YARS1: variants seen among roughly 807,000 people sequenced by gnomAD.
The protein encoded by YARS1 is tyrosyl-tRNA synthetase 1, also known as tyrosine--tRNA ligase, cytoplasmic.
YARS1 carries 36 observed loss-of-function variants against 62.2 expected under a neutral mutation model. The observed-to-expected ratio is 0.58, with a 90% CI of 0.44 to 0.76. The LOEUF (loss-of-function observed/expected upper bound fraction) is 0.76. YARS1 is among the 30% of genes least tolerant of loss of function. The pLI is 0.00. For synonymous variants in YARS1, 234 were observed against 244.9 expected (o/e 0.96, Z 0.42); for missense variants, 524 against 639.8 (o/e 0.82, Z 1.95).
At chr1:32,805,913 G>T (rs1451132061) in intron 4 of YARS1, among the ~76,000 whole-genome samples, 1 of 152,196 alleles carries the variant, frequency 6.6e-6, no homozygotes, top group East Asian at 1.9e-4. Flanking sequence ...AGTGAGCCGA[G>T]ATTTCGCCAC....
intron 10 of YARS1, 26 bp downstream of exon 10, chr1:32,781,022 T>G (rs746016418): frequency 6.2e-7 from 1 of 1,609,510 alleles, no homozygotes; most frequent in Non-Finnish European, 8.5e-7. Context: ...AATCTGCCTC[T>G]CTGAGATGTG....
intron 1 of YARS1, chr1:32,816,699 T>G (rs893890396): frequency 2.4e-5 from 4 of 163,606 alleles, no homozygotes; most frequent in Non-Finnish European, 4.1e-5. Context: ...ATTTGTGGAG[T>G]GAGGGGGGGG....
At chr1:32,817,154 C>T (rs781047642) in intron 1 of YARS1, 34 bp downstream of exon 1, 1 of 1,613,522 alleles carries the variant, frequency 6.2e-7, no homozygotes, top group Middle Eastern at 1.6e-4. Flanking sequence ...GGCTCCTAAT[C>T]CCCAACGGCG....
chr1:32,800,033 G>C (rs1371520007), intron 4 of YARS1, among the ~76,000 whole-genome samples: 1 of 151,820 alleles, frequency 6.6e-6, no homozygotes, highest in Non-Finnish European at 1.5e-5. Context: ...CAGGCTGGAG[G>C]GCAGTGGCAT....
At chr1:32,784,852 T>G (rs1470204285) in intron 8 of YARS1, among the ~76,000 whole-genome samples, 1 of 152,192 alleles carries the variant, frequency 6.6e-6, no homozygotes, top group Non-Finnish European at 1.5e-5. Flanking sequence ...GAACCCTCTG[T>G]GTAATACCAG....
At chr1:32,785,739 T>C (rs1485398341) in intron 8 of YARS1, among the ~76,000 whole-genome samples, 1 of 151,668 alleles carries the variant, frequency 6.6e-6, no homozygotes, top group East Asian at 2.0e-4. Context: ...CGTGCCACCA[T>C]GCCTGGCTAC....
At chr1:32,784,510 C>T (rs1653158476) in intron 8 of YARS1, among the ~76,000 whole-genome samples, 1 of 152,126 alleles carries the variant, frequency 6.6e-6, no homozygotes, top group Non-Finnish European at 1.5e-5. Context: ...ATTCCTCATA[C>T]ATCATGCTGC....
chr1:32,803,441 T>C (rs1638357980), intron 4 of YARS1, among the ~76,000 whole-genome samples: 1 of 152,106 alleles, frequency 6.6e-6, no homozygotes, highest in Non-Finnish European at 1.5e-5. Flanking sequence ...CTATTTAGCA[T>C]AATTCTTAAA....
intron 6 of YARS1, among the ~76,000 whole-genome samples, chr1:32,788,473 C>T (rs1433650428): frequency 5.9e-5 from 9 of 152,038 alleles, no homozygotes; most frequent in African/African-American, 2.2e-4. Flanking sequence ...TTTTGTTGCC[C>T]AGGCTGGAGT....
rs1020699322 is a variant in YARS1 at position 32,787,083 on chromosome 1, T to C, written c.685-8A>G. 1.2e-6 allele frequency: 2 copies of C among 1,613,936 alleles called. No homozygotes were observed. The highest frequency in any genetic ancestry group is 2.7e-5 in the African/African-American group (2 of 74,924). ...GAGATCAATCTTGGACTCCTAGAAGTCATAGAACGGAAGAGGACCTCTTGT... is the reference window on the plus strand; with the variant it reads ...GAGATCAATCTTGGACTCCTAGAAGCCATAGAACGGAAGAGGACCTCTTGT... On this transcript the variant is annotated splice_polypyrimidine_tract_variant and splice_region_variant and intron_variant, in intron 6 of 12. Transcript: ENST00000373477.
chr1:32,785,453 T>A (rs1231146640), intron 8 of YARS1, among the ~76,000 whole-genome samples: 1 of 148,294 alleles, frequency 6.7e-6, no homozygotes, highest in Admixed American at 6.7e-5. Context: ...AGAGTGAGAC[T>A]CTGTCTCAAA....
intron 12 of YARS1, among the ~76,000 whole-genome samples, chr1:32,779,170 A>C (rs879822790): frequency 1.3e-5 from 2 of 152,158 alleles, no homozygotes; most frequent in Admixed American, 1.3e-4. Flanking sequence ...CAGGGCCTCA[A>C]ATGATCTGTC....
chr1:32,780,077 T>G lies in YARS1; in HGVS notation c.1334+8A>C. On this transcript the variant is annotated splice_region_variant and intron_variant, in intron 11 of 12. Transcript: ENST00000373477. ...AGGTCCTGTGCCCCACTCCAAGTCC[T>G]CACTCACATAGAAGCACACAGAAGC... The G allele has an allele frequency of 6.2e-7, 1 of 1,614,100 alleles. No homozygotes were observed.
At chr1:32,812,346 G>A (rs951407050) in intron 1 of YARS1, among the ~76,000 whole-genome samples, 1 of 152,184 alleles carries the variant, frequency 6.6e-6, no homozygotes, top group African/African-American at 2.4e-5. Context: ...TGACCAGCAT[G>A]AACATTAAAA....
chr1:32,780,742 C>G, intron 10 of YARS1: 2 of 463,912 alleles, frequency 4.3e-6, no homozygotes, highest in Non-Finnish European at 7.9e-6. Flanking sequence ...AAGATAAGGC[C>G]TGTAGCTAGT....
intron 4 of YARS1, among the ~76,000 whole-genome samples, chr1:32,804,831 G>T (rs1484315925): frequency 6.6e-6 from 1 of 152,122 alleles, no homozygotes; most frequent in Non-Finnish European, 1.5e-5. Flanking sequence ...CAGATGGGGT[G>T]GCAGCCAGGC....
chr1:32,778,572 G>T (rs945506817), intron 12 of YARS1, among the ~76,000 whole-genome samples: 1 of 150,198 alleles, frequency 6.7e-6, no homozygotes, highest in African/African-American at 2.5e-5. Context: ...GCGCCCGGCC[G>T]ATTTTTTTCT....
Position 32,817,355 on chromosome 1 carries a change from A to G in YARS1, c.-111T>C. On this transcript the variant is annotated 5_prime_UTR_variant, in exon 1 of 13. Transcript: ENST00000373477. The stretch of plus-strand genomic sequence containing the variant: ...CACGCGAGTCCAGCCAGGTTGCATC[A>G]GCTGGGCTCGGCGCTCCGCTTACTC... The G allele has an allele frequency of 1.4e-6, 2 of 1,422,512 alleles. No homozygotes were observed. Among genetic ancestry groups the G allele is most frequent in the Middle Eastern group, 1.9e-4 (1 of 5,262 alleles). 88.1% of individuals were successfully genotyped at this position (1,422,512 alleles called of 1,614,324 possible). A position where few individuals can be genotyped will look rare whatever the true frequency, so the allele number is the denominator to read the frequency against.
At chr1:32,780,028 T>C in intron 11 of YARS1, 57 bp downstream of exon 11, 1 of 1,602,552 alleles carries the variant, frequency 6.2e-7, no homozygotes, top group Non-Finnish European at 8.5e-7. Context: ...TATGGGCTGA[T>C]TCCCTACTCT....
Sources: gnomAD v4.1 joint callset for allele counts (sites outside exome capture counted in the v4.1 genomes callset) on GRCh38, gnomAD v4.1.1 for gene constraint, MANE v1.5 for transcripts, NCBI Gene and HGNC (gene_info 2026-07-23, HGNC 2026-07-21) for gene names.